SBF2: variants seen among roughly 807,000 people sequenced by gnomAD.
SBF2 encodes myotubularin-related protein 13.
Under a neutral mutation model 225.2 loss-of-function variants are expected in SBF2, and 112 were observed. That is an observed-to-expected ratio of 0.50 (90% CI 0.43 to 0.58). The LOEUF (loss-of-function observed/expected upper bound fraction) is 0.58, where lower values mean the gene tolerates loss of function less well. Among genes scored for constraint, SBF2 ranks in the 20% least tolerant of loss-of-function variants. SBF2 has a pLI of 0.00. For synonymous variants in SBF2, 763 were observed against 773.3 expected (o/e 0.99, Z 0.22); for missense variants, 1,996 against 2,206.2 (o/e 0.90, Z 1.91).
intron 32 of SBF2, among the ~76,000 whole-genome samples, chr11:9,803,059 A>G (rs559020564): frequency 6.6e-6 from 1 of 152,350 alleles, no homozygotes; most frequent in Non-Finnish European, 1.5e-5. Context: ...CCAGATTTGA[A>G]GTCATACTGA....
intron 29 of SBF2, 94 bp from the exon 30 acceptor site, chr11:9,812,802 T>C: frequency 7.8e-7 from 1 of 1,284,678 alleles, no homozygotes; most frequent in South Asian, 1.2e-5. Context: ...CAAAGTTATT[T>C]GGGGCCAAAT....
At chr11:10,259,064 C>T (rs904885824) in intron 1 of SBF2, among the ~76,000 whole-genome samples, 10 of 152,110 alleles carry the variant, frequency 6.6e-5, no homozygotes, top group African/African-American at 2.4e-4. Context: ...CTTTATTGTA[C>T]CCTTATAATA....
chr11:10,195,384 A>G (rs901805884), intron 1 of SBF2, among the ~76,000 whole-genome samples: 2 of 152,214 alleles, frequency 1.3e-5, no homozygotes, highest in Admixed American at 6.5e-5. Flanking sequence ...GTAATTTGTG[A>G]GTAAACTGGG....
At chr11:10,203,311 G>A (rs942224434) in intron 1 of SBF2, among the ~76,000 whole-genome samples, 3 of 152,136 alleles carry the variant, frequency 2.0e-5, no homozygotes, top group Admixed American at 6.5e-5. Flanking sequence ...GTTCCCAACA[G>A]CCAAGAGGAA....
upstream of SBF2, among the ~76,000 whole-genome samples, chr11:10,298,768 T>G (rs1338602610): frequency 6.6e-6 from 1 of 152,176 alleles, no homozygotes; most frequent in East Asian, 1.9e-4. Flanking sequence ...CATCACTCAG[T>G]CCTATTGTTC....
chr11:10,237,046 A>G (rs928738040), intron 1 of SBF2, among the ~76,000 whole-genome samples: 10 of 152,216 alleles, frequency 6.6e-5, no homozygotes, highest in African/African-American at 2.4e-4. Flanking sequence ...GGTTTAGAAG[A>G]TAAGCAGGGC....
At chr11:10,294,863 G>C (rs1288657112), upstream of SBF2, among the ~76,000 whole-genome samples, 1 of 152,192 alleles carries the variant, frequency 6.6e-6, no homozygotes, top group Non-Finnish European at 1.5e-5. Flanking sequence ...CCTCTCCCTG[G>C]GGAGCCCCGC....
At chr11:9,794,705 A>AAAAAAAAAAAC (rs1478606052) in intron 33 of SBF2, among the ~76,000 whole-genome samples, 2 of 145,206 alleles carry the variant, frequency 1.4e-5, no homozygotes, top group Non-Finnish European at 3.0e-5. Context: ...AAAAAAAAAA[A>AAAAAAAAAAAC]AAGACCAGGC....
intron 17 of SBF2, among the ~76,000 whole-genome samples, chr11:9,874,006 C>T (rs1051220855): frequency 5.3e-5 from 8 of 151,906 alleles, no homozygotes; most frequent in Non-Finnish European, 1.5e-5. Flanking sequence ...CTGCAGTGAG[C>T]CGAGATTGAG....
intron 1 of SBF2, among the ~76,000 whole-genome samples, chr11:10,226,851 G>A (rs1213423396): frequency 2.0e-5 from 3 of 152,134 alleles, no homozygotes; most frequent in Non-Finnish European, 4.4e-5. Flanking sequence ...ACCCAGTAAT[G>A]GGATGGCTGG....
chr11:10,172,813 T>C (rs1332702737), intron 2 of SBF2, among the ~76,000 whole-genome samples: 1 of 152,200 alleles, frequency 6.6e-6, no homozygotes, highest in Non-Finnish European at 1.5e-5. Context: ...ATTACATGCA[T>C]GTGCCATCAT....
chr11:10,192,872 C>T (rs1957228452), intron 2 of SBF2, among the ~76,000 whole-genome samples: 1 of 152,254 alleles, frequency 6.6e-6, no homozygotes, highest in Non-Finnish European at 1.5e-5. Context: ...AATAAGTACA[C>T]ACACACACCC....
chr11:9,839,165 A>G (rs1855929932), intron 26 of SBF2: 1 of 341,016 alleles, frequency 2.9e-6, no homozygotes, highest in Admixed American at 4.2e-5. Flanking sequence ...CAGCCTACAA[A>G]AGACTTTCAT....
chr11:10,253,887 A>G (rs1483919873), intron 1 of SBF2, among the ~76,000 whole-genome samples: 3 of 152,204 alleles, frequency 2.0e-5, no homozygotes, highest in Non-Finnish European at 4.4e-5. Context: ...ACATGAAAAA[A>G]TATTCAACAT....
chr11:10,009,356 C>T (rs1051564082), intron 6 of SBF2, among the ~76,000 whole-genome samples: 1 of 151,966 alleles, frequency 6.6e-6, no homozygotes, highest in Admixed American at 6.5e-5. Context: ...TTTGCTGCAC[C>T]CATCAACCTG....
chr11:10,172,073 AC>A (rs1248281146), intron 2 of SBF2, among the ~76,000 whole-genome samples: 6 of 152,078 alleles, frequency 3.9e-5, no homozygotes, highest in Non-Finnish European at 8.8e-5. Flanking sequence ...TTTTATCATT[AC>A]AAAAAAACCA....
At chr11:10,059,214 C>T (rs1950350037) in intron 2 of SBF2, among the ~76,000 whole-genome samples, 1 of 152,084 alleles carries the variant, frequency 6.6e-6, no homozygotes, top group South Asian at 2.1e-4. Context: ...CACAAAGTAG[C>T]AAGCTGGATA....
At chr11:9,997,945 C>A (rs1947780571) in intron 9 of SBF2, among the ~76,000 whole-genome samples, 3 of 152,120 alleles carry the variant, frequency 2.0e-5, no homozygotes, top group African/African-American at 7.2e-5. Context: ...AATGGGGGAT[C>A]TTAGGGGAAT....
At chr11:10,288,997 C>T (rs564748470) in intron 1 of SBF2, among the ~76,000 whole-genome samples, 2 of 152,188 alleles carry the variant, frequency 1.3e-5, no homozygotes, top group East Asian at 1.9e-4. Flanking sequence ...CCAGGCTTCT[C>T]GCTTCAAGGG....
Sources: gnomAD v4.1 joint callset for allele counts (sites outside exome capture counted in the v4.1 genomes callset) on GRCh38, gnomAD v4.1.1 for gene constraint, MANE v1.5 for transcripts, NCBI Gene and HGNC (gene_info 2026-07-23, HGNC 2026-07-21) for gene names.